The following CSRNP1 variants were observed in gnomAD, a reference collection of about 807,000 sequenced individuals.
CSRNP1 encodes cysteine/serine-rich nuclear protein 1.
CSRNP1 carries 8 observed loss-of-function variants against 25.0 expected under a neutral mutation model. That is an observed-to-expected ratio of 0.32 (90% CI 0.19 to 0.58). The LOEUF is 0.58. Among genes scored for constraint, CSRNP1 ranks in the 20% least tolerant of loss-of-function variants. The pLI, the probability that CSRNP1 is intolerant of heterozygous loss-of-function variation, is 0.88. For missense variants in CSRNP1, 691 were observed against 773.1 expected, an observed-to-expected ratio of 0.89 and a Z score of 1.26; for synonymous variants, 305 against 303.1, an observed-to-expected ratio of 1.01 and a Z score of -0.06.
chr3:39,153,183 G>A (rs1380858713), intron 1 of CSRNP1: 2 of 152,230 alleles, frequency 1.3e-5, no homozygotes, highest in Non-Finnish European at 2.9e-5. Flanking sequence ...GCCGAGCTCG[G>A]GGAGCCGTGA....
At chr3:39,145,300 G>A in intron 2 of CSRNP1, 44 bp from the exon 3 acceptor site, 1 of 1,520,440 alleles carries the variant, frequency 6.6e-7, no homozygotes, top group Non-Finnish European at 8.8e-7. Context: ...TTTTCAGTGA[G>A]GCACAACTTA....
Position 39,146,713 on chromosome 3 carries a change from G to A in CSRNP1, c.-31C>T. On this transcript the variant is annotated 5_prime_UTR_variant, in exon 2 of 5. Transcript: ENST00000273153. ...TGCCGGACGTGCTCTGGGGTCTGGGGACAGACAGCCTGGAATAGGAATGAG... is the reference window on the plus strand; with the variant it reads ...TGCCGGACGTGCTCTGGGGTCTGGGAACAGACAGCCTGGAATAGGAATGAG... 2 of 1,551,356 alleles carry A rather than the reference G, an allele frequency of 1.3e-6. No homozygotes were observed. Among genetic ancestry groups the A allele is most frequent in the Non-Finnish European group, 1.7e-6 (2 of 1,147,518 alleles).
chr3:39,152,659 AGTGT>A (rs2039598811), intron 1 of CSRNP1: 1 of 153,692 alleles, frequency 6.5e-6, no homozygotes, highest in African/African-American at 2.4e-5. Flanking sequence ...GGAGTGACTA[AGTGT>A]GTGACTATGG....
chr3:39,147,465 G>C (rs1201894388), intron 1 of CSRNP1, among the ~76,000 whole-genome samples: 1 of 152,000 alleles, frequency 6.6e-6, no homozygotes, highest in Non-Finnish European at 1.5e-5. Flanking sequence ...TCCCCTCCCG[G>C]TGTGGGAGCT....
rs957316853 is a variant in CSRNP1, at chr3:39,151,474, C to G, written c.-41+1964G>C. Reference sequence around the variant, plus strand: ...GAGAAGTGGGGGCGGGGCTTGAAAACGTCACAGCAACTCCTCTGTCCACCT... The same window carrying G: ...GAGAAGTGGGGGCGGGGCTTGAAAAGGTCACAGCAACTCCTCTGTCCACCT... On this transcript the variant is annotated intron_variant, in intron 1 of 4. Transcript: ENST00000273153. 1.8e-4 allele frequency: 27 copies of G among 153,180 alleles called. No homozygotes were observed. In the Admixed American group the frequency reaches 1.8e-3, roughly 10 times the overall value. The allele number at this position is 153,180 out of a possible 1,614,324, so 9.5% of individuals were successfully genotyped here. A position where few individuals can be genotyped will look rare whatever the true frequency, so the allele number is the denominator to read the frequency against.
chr3:39,153,842 C>G, upstream of CSRNP1: 1 of 152,238 alleles, frequency 6.6e-6, no homozygotes, highest in East Asian at 1.9e-4. Flanking sequence ...CGCCCCGCTT[C>G]CAGCACGGTC....
In CSRNP1 at chr3:39,143,578, TTCCCCACGC is replaced by T; in HGVS notation, c.1238_1246del (p.Ser413_Gly415del). On this transcript the variant is annotated inframe_deletion, in exon 5 of 5. Coordinates refer to ENST00000273153, the MANE Select transcript of CSRNP1 (RefSeq NM_033027.4). Reference sequence around the variant, plus strand: ...ATGGAAGCAGCTGAGGTTGTCCAGGTTCCCCACGCTCCCTTCCTCCTCTTCCTCCTCCTC... The same window carrying T: ...ATGGAAGCAGCTGAGGTTGTCCAGGTTCCCTTCCTCCTCTTCCTCCTCCTC... The T allele has an allele frequency of 1.9e-6, 3 of 1,614,120 alleles. No homozygotes were observed. Among genetic ancestry groups the T allele is most frequent in the Non-Finnish European group, 2.5e-6 (3 of 1,180,018 alleles).
At chr3:39,145,844 T>A (rs186374528) in intron 2 of CSRNP1, among the ~76,000 whole-genome samples, 1 of 152,244 alleles carries the variant, frequency 6.6e-6, no homozygotes, top group Non-Finnish European at 1.5e-5. Flanking sequence ...TTATGTGTAA[T>A]GCACAGATAT....
rs1156622603 is a variant in CSRNP1 at position 39,144,182 on chromosome 3, G to A, written c.735C>T (p.Cys245=). The change falls in exon 4 of 5, where the codon TGC becomes TGT. Residue 245 remains cysteine, a synonymous_variant. Coordinates refer to ENST00000273153, the MANE Select transcript of CSRNP1 (RefSeq NM_033027.4). ...EDCGCHCDRI[C]DPETCSCSLA... ...GGCTGCAGCTGCAGGTCTCAGGGTC[G>A]CAGATCCTATCGCAGTGACAGCCAC... The A allele has an allele frequency of 6.2e-6, 10 of 1,614,102 alleles. No homozygotes were observed. The highest frequency in any genetic ancestry group is 5.5e-5 in the South Asian group (5 of 91,074).
intron 1 of CSRNP1, chr3:39,148,827 CCACGTGGCCGTG>C (rs1268246057): frequency 3.9e-5 from 2 of 50,974 alleles, no homozygotes; most frequent in East Asian, 2.8e-3. Context: ...ATCATGGAGG[CCACGTGGCCGTG>C]TTAAGAGCTT....
At chr3:39,146,431 C>T in intron 2 of CSRNP1, 47 bp downstream of exon 2, 1 of 1,478,710 alleles carries the variant, frequency 6.8e-7, no homozygotes, top group Non-Finnish European at 9.0e-7. Context: ...TTTCATCTTT[C>T]AGGAAGGCAG....
intron 1 of CSRNP1, among the ~76,000 whole-genome samples, chr3:39,147,415 C>T (rs569590846): frequency 6.6e-6 from 1 of 152,228 alleles, no homozygotes; most frequent in Admixed American, 6.5e-5. Context: ...CTGGCTTTGA[C>T]GTTGGCCTCC....
chr3:39,150,527 G>C (rs945883735), intron 1 of CSRNP1: 2 of 152,290 alleles, frequency 1.3e-5, no homozygotes, highest in Admixed American at 6.5e-5. Flanking sequence ...GGCAGGAGGA[G>C]AGTCACATGT....
chr3:39,149,027 T>C (rs951489689), intron 1 of CSRNP1: 2 of 151,916 alleles, frequency 1.3e-5, no homozygotes, highest in Admixed American at 1.3e-4. Flanking sequence ...TAAGACCTCA[T>C]AGGGTTGGGG....
Position 39,146,716 on chromosome 3 carries a change from A to G in CSRNP1, c.-34T>C. On this transcript the variant is annotated 5_prime_UTR_variant, in exon 2 of 5. Coordinates refer to ENST00000273153, the MANE Select transcript of CSRNP1 (RefSeq NM_033027.4). ...CGGACGTGCTCTGGGGTCTGGGGAC[A>G]GACAGCCTGGAATAGGAATGAGAAG... 6.4e-7 allele frequency: 1 copy of G among 1,550,768 alleles called. No homozygotes were observed.
Position 39,144,263 on chromosome 3 carries a change from C to G in CSRNP1, c.654G>C (p.Arg218Ser), listed in dbSNP as rs751331439. 1 of 1,614,176 alleles carries G rather than the reference C, an allele frequency of 6.2e-7. No homozygotes were observed. Among genetic ancestry groups the G allele is most frequent in the Admixed American group, 1.7e-5 (1 of 60,034 alleles). Residue 218 changes from arginine to serine, a missense_variant, in exon 4 of 5, where the codon AGG becomes AGC. Physicochemically the swap from Arg to Ser is moderately radical, Grantham distance 110 (BLOSUM62 -1). Coordinates refer to ENST00000273153, the MANE Select transcript of CSRNP1 (RefSeq NM_033027.4). ...RALLRASGVR[R>S]IDREEKRELQ... ...GCTCCCGCTTCTCCTCCCGATCGAT[C>G]CTTCGCACACCTGAAGCCCTCAGCA...
chr3:39,144,961 C>T (rs1389941317), intron 3 of CSRNP1, 36 bp downstream of exon 3: 3 of 1,569,524 alleles, frequency 1.9e-6, no homozygotes, highest in African/African-American at 2.7e-5. Flanking sequence ...CCAGGAGCTG[C>T]CTCAGGAGGT....
chr3:39,143,061 C>T lies in CSRNP1; in HGVS notation c.1764G>A (p.Pro588=), dbSNP rs775624061. Residue 588 remains proline, a synonymous_variant, in exon 5 of 5, where the codon CCG becomes CCA. Transcript: ENST00000273153. ...GGAAAAGACATCCTGGTCCTCACAC[C>T]GGCACAGGCTCCATTAGAGATGCTG... ...TVPASLMEPV[P]V 15 of 1,569,224 alleles carry T rather than the reference C, an allele frequency of 9.6e-6. No homozygotes were observed. Among genetic ancestry groups the T allele is most frequent in the East Asian group, 9.0e-5 (4 of 44,276 alleles).
rs2039490237 is a variant in CSRNP1, at chr3:39,145,209, C to T, written c.253G>A (p.Ala85Thr). 8.7e-6 allele frequency: 14 copies of T among 1,612,896 alleles called. No homozygotes were observed. In the East Asian group the frequency reaches 3.1e-4, roughly 36 times the overall value. ...TAGAAGACGGTGATCCCATCAAAGG[C>T]TACACGGCCTGGGCGCTCCCGGCGA... ...RARRERPGRVAFDGITVFYFP... is the reference protein window; with the variant it reads ...RARRERPGRVTFDGITVFYFP... The change falls in exon 3 of 5, where the codon GCC (alanine) becomes ACC (threonine). Residue 85 changes from alanine to threonine, a missense_variant. Physicochemically the swap from Ala to Thr is moderately conservative, Grantham distance 58 (BLOSUM62 0). Coordinates refer to ENST00000273153, the MANE Select transcript of CSRNP1 (RefSeq NM_033027.4).
Sources: gnomAD v4.1 joint callset for allele counts (sites outside exome capture counted in the v4.1 genomes callset) on GRCh38, gnomAD v4.1.1 for gene constraint, MANE v1.5 for transcripts, NCBI Gene and HGNC (gene_info 2026-07-23, HGNC 2026-07-21) for gene names.